The following PPARGC1A variants were observed in gnomAD, a reference collection of about 807,000 sequenced individuals.
PPARGC1A encodes PPARG coactivator 1 alpha.
PPARGC1A carries 25 observed loss-of-function variants against 88.7 expected under a neutral mutation model. That is an observed-to-expected ratio of 0.28 (90% CI 0.21 to 0.39). The LOEUF (loss-of-function observed/expected upper bound fraction) is 0.39, where lower values mean the gene tolerates loss of function less well. PPARGC1A is among the 10% of genes least tolerant of loss of function. PPARGC1A has a pLI of 1.00. For synonymous variants in PPARGC1A, 363 were observed against 355.6 expected, an observed-to-expected ratio of 1.02 and a Z score of -0.24; for missense variants, 880 against 968.7, an observed-to-expected ratio of 0.91 and a Z score of 1.22.
the PPARGC1A span, among the ~76,000 whole-genome samples, chr4:24,106,643 A>C: frequency 6.6e-6 from 1 of 151,980 alleles, no homozygotes; most frequent in African/African-American, 2.4e-5. Flanking sequence ...CTCTGCAATG[A>C]CTCCCACCAT....
chr4:24,099,303 A>AG, the PPARGC1A span, among the ~76,000 whole-genome samples: 1 of 151,552 alleles, frequency 6.6e-6, no homozygotes, highest in Admixed American at 6.6e-5. Flanking sequence ...AAAAAAAAAA[A>AG]AAAAAAGACC....
In PPARGC1A at chr4:23,792,032, C is replaced by T. The variant is rs1716724072; in HGVS notation, c.*3790G>A. On this transcript the variant is annotated 3_prime_UTR_variant, in exon 13 of 13. Coordinates refer to ENST00000264867, the MANE Select transcript of PPARGC1A (RefSeq NM_013261.5). ...AAGAAAAGCAGAAGTAGATTTGAAA[C>T]ATTCGTTTCCCTTTATTAGCTCAGT... 6.6e-6 allele frequency: 1 copy of T among 152,570 alleles called. No homozygotes were observed. The highest frequency in any genetic ancestry group is 6.6e-5 in the Admixed American group (1 of 15,254). 9.5% of individuals were successfully genotyped at this position (152,570 alleles called of 1,614,324 possible). A position where few individuals can be genotyped will look rare whatever the true frequency, so the allele number is the denominator to read the frequency against.
chr4:23,836,578 T>C (rs113473068), intron 2 of PPARGC1A, among the ~76,000 whole-genome samples: 1 of 152,338 alleles, frequency 6.6e-6, no homozygotes, highest in East Asian at 1.9e-4. Context: ...TAATAAATGA[T>C]AGTTTAGAAC....
At chr4:24,113,183 ATCTC>A in the PPARGC1A span, among the ~76,000 whole-genome samples, 5 of 152,140 alleles carry the variant, frequency 3.3e-5, no homozygotes, top group African/African-American at 7.2e-5. Flanking sequence ...TGATTTATTT[ATCTC>A]TCTATCTCAC....
the PPARGC1A span, among the ~76,000 whole-genome samples, chr4:24,300,361 T>C: frequency 2.0e-4 from 15 of 73,770 alleles, no homozygotes; most frequent in South Asian, 4.1e-4. Context: ...TTTTTTTTTT[T>C]TTTTTTGCTT....
chr4:24,205,526 T>C, the PPARGC1A span, among the ~76,000 whole-genome samples: 9 of 152,176 alleles, frequency 5.9e-5, no homozygotes, highest in Non-Finnish European at 2.9e-5. Flanking sequence ...ATACATATAT[T>C]TAGCAGAGAA....
chr4:24,231,351 G>T, the PPARGC1A span, among the ~76,000 whole-genome samples: 65 of 152,146 alleles, frequency 4.3e-4, no homozygotes, highest in Non-Finnish European at 7.8e-4. Flanking sequence ...TGACGCAAGG[G>T]TAGCTACTTT....
At chr4:23,817,319 T>C in intron 7 of PPARGC1A, among the ~76,000 whole-genome samples, 1 of 152,084 alleles carries the variant, frequency 6.6e-6, no homozygotes, top group African/African-American at 2.4e-5. Context: ...GACACCTTGA[T>C]TGTACTTTCT....
chr4:24,376,164 T>C, the PPARGC1A span, among the ~76,000 whole-genome samples: 5 of 152,186 alleles, frequency 3.3e-5, no homozygotes, highest in African/African-American at 1.2e-4. Flanking sequence ...TTAAGGAACT[T>C]TGAAGTGTGA....
the PPARGC1A span, among the ~76,000 whole-genome samples, chr4:24,443,497 C>T: frequency 6.6e-6 from 1 of 152,044 alleles, no homozygotes; most frequent in African/African-American, 2.4e-5. Context: ...TGCAGAGTGT[C>T]GGAAACCACA....
the PPARGC1A span, among the ~76,000 whole-genome samples, chr4:24,049,413 T>TA: frequency 0.05 from 7,443 of 149,618 alleles, 542 homozygotes; most frequent in African/African-American, 0.15. Flanking sequence ...CTGAAAAAGT[T>TA]AAAAAAATAG....
At chr4:24,318,468 G>A in the PPARGC1A span, among the ~76,000 whole-genome samples, 1 of 152,216 alleles carries the variant, frequency 6.6e-6, no homozygotes, top group Non-Finnish European at 1.5e-5. Flanking sequence ...GGCAAAGTAA[G>A]TACTTTCACT....
At chr4:24,400,258 G>C in the PPARGC1A span, among the ~76,000 whole-genome samples, 1 of 152,148 alleles carries the variant, frequency 6.6e-6, no homozygotes, top group African/African-American at 2.4e-5. Context: ...GGAGTCAGAG[G>C]GCTGGGGAAG....
At chr4:23,913,261 TATATATAGAGAGAGAGAG>T in the PPARGC1A span, among the ~76,000 whole-genome samples, 582 of 54,568 alleles carry the variant, frequency 0.011, 3 homozygotes, top group African/African-American at 0.03. Context: ...TATATATATA[TATATATAGAGAGAGAGAG>T]AGAGAGAGAG....
At chr4:24,033,948 A>G in the PPARGC1A span, among the ~76,000 whole-genome samples, 6 of 152,330 alleles carry the variant, frequency 3.9e-5, no homozygotes, top group Middle Eastern at 3.4e-3. Context: ...AAAATGGCAA[A>G]GTTCTGGCTC....
intron 12 of PPARGC1A, 85 bp from the exon 13 acceptor site, chr4:23,796,010 G>T (rs1455876997): frequency 5.6e-6 from 5 of 897,134 alleles, no homozygotes; most frequent in Non-Finnish European, 9.0e-6. Flanking sequence ...TACTGGATTC[G>T]ATAACAACTC....
the PPARGC1A span, among the ~76,000 whole-genome samples, chr4:24,194,624 GCGCGCGCA>G: frequency 3.6e-5 from 2 of 54,806 alleles, no homozygotes; most frequent in African/African-American, 1.2e-4. Flanking sequence ...GCGCGCGCAC[GCGCGCGCA>G]CACACACACA....
the PPARGC1A span, among the ~76,000 whole-genome samples, chr4:24,316,667 C>T: frequency 1.3e-5 from 2 of 152,182 alleles, no homozygotes; most frequent in African/African-American, 4.8e-5. Flanking sequence ...AAGACCTTGG[C>T]CTTTGACTTC....
the PPARGC1A span, among the ~76,000 whole-genome samples, chr4:24,452,050 A>G: frequency 6.6e-6 from 1 of 152,114 alleles, no homozygotes; most frequent in Non-Finnish European, 1.5e-5. Flanking sequence ...TCATCTAATT[A>G]GTTGAAGGCA....
Sources: gnomAD v4.1 joint callset for allele counts (sites outside exome capture counted in the v4.1 genomes callset) on GRCh38, gnomAD v4.1.1 for gene constraint, MANE v1.5 for transcripts, NCBI Gene and HGNC (gene_info 2026-07-23, HGNC 2026-07-21) for gene names.